Variants in FBN1 observed in about 807,000 individuals in gnomAD.
FBN1 encodes the protein fibrillin-1.
In FBN1, 29 loss-of-function variants were observed where a neutral mutation model predicts 365.1. That is an observed-to-expected ratio of 0.08 (90% CI 0.06 to 0.11). The LOEUF (loss-of-function observed/expected upper bound fraction) is 0.11. Ranked by LOEUF, FBN1 falls within the 10% of genes least tolerant of loss-of-function variation. FBN1 has a pLI of 1.00. For synonymous variants in FBN1, 1,210 were observed against 1,270.5 expected (o/e 0.95, Z 1.01); for missense variants, 2,476 against 3,703.2 (o/e 0.67, Z 8.60).
intron 24 of FBN1, among the ~76,000 whole-genome samples, chr15:48,490,756 A>G (rs568676362): frequency 2.7e-4 from 41 of 152,346 alleles, no homozygotes; most frequent in Non-Finnish European, 4.7e-4. Context: ...AGGTCAGAAG[A>G]GCTGGATTTT....
chr15:48,521,208 G>A (rs766484725), intron 9 of FBN1, among the ~76,000 whole-genome samples: 21 of 152,150 alleles, frequency 1.4e-4, no homozygotes, highest in Non-Finnish European at 2.6e-4. Flanking sequence ...TGCTTAATTC[G>A]AGCCATTTTA....
intron 45 of FBN1, 28 bp downstream of exon 45, chr15:48,452,534 C>A (rs1566900446): frequency 6.2e-7 from 1 of 1,613,720 alleles, no homozygotes; most frequent in Non-Finnish European, 8.5e-7. Flanking sequence ...CTTGGGTAGG[C>A]ATGTCCAGCC....
chr15:48,526,922 C>T (rs1255470211), intron 8 of FBN1, among the ~76,000 whole-genome samples: 1 of 152,234 alleles, frequency 6.6e-6, no homozygotes, highest in African/African-American at 2.4e-5. Flanking sequence ...CTAAGATTGC[C>T]TGAGTCGCAG....
At chr15:48,608,741 T>C (rs553919482) in intron 4 of FBN1, among the ~76,000 whole-genome samples, 3 of 152,252 alleles carry the variant, frequency 2.0e-5, no homozygotes, top group South Asian at 4.1e-4. Context: ...ACCCACAGTC[T>C]TGGATTTTAG....
At chr15:48,428,145 A>T in intron 57 of FBN1, 1 of 702,724 alleles carries the variant, frequency 1.4e-6, no homozygotes, top group Non-Finnish European at 2.4e-6. Flanking sequence ...TCAGGATCCA[A>T]TTAGCAAAGG....
intron 50 of FBN1, 114 bp downstream of exon 50, chr15:48,441,607 A>G: frequency 1.5e-6 from 2 of 1,358,190 alleles, no homozygotes; most frequent in South Asian, 1.2e-5. Flanking sequence ...TGGGTGAATG[A>G]AAACTCTCCA....
chr15:48,456,691 G>A lies in FBN1; in HGVS notation c.5368C>T (p.Arg1790Ter), dbSNP rs113249837. The A allele has an allele frequency of 6.2e-7, 1 of 1,613,882 alleles. No individual in the cohort carries two copies. The highest frequency in any genetic ancestry group is 8.5e-7 in the Non-Finnish European group (1 of 1,179,880). The change falls in exon 44 of 66, where the codon CGA (arginine) becomes TGA (stop). Residue 1790 changes from arginine (R) to a stop codon, truncating the protein, a stop_gained. Transcript: ENST00000316623. LOFTEE classifies it high-confidence loss of function. ...GVCINMVGSF[R>*]CECPVGFFYN... ...AAGAATCCCACTGGACATTCACATC[G>A]GAAGCTGCCAACCATGTTGATACAC...
rs1283784836 is a variant in FBN1, at chr15:48,412,191, G to A, written c.8226+378C>T. On this transcript the variant is annotated intron_variant, in intron 65 of 65. Transcript: ENST00000316623. ...ACACTCCACATGGCTCTTTTCAGTA[G>A]AGGAGCCTCTAGCTTTCAGAACTTG... Among the ~76,000 whole-genome samples the A allele has an allele frequency of 3.9e-5, 6 of 152,344 alleles. No individual in the cohort carries two copies. The East Asian group carries it at 5.8e-4, about 15-fold the overall frequency.
chr15:48,449,926 C>T (rs1348928302), intron 45 of FBN1, among the ~76,000 whole-genome samples: 3 of 152,176 alleles, frequency 2.0e-5, no homozygotes, highest in Admixed American at 6.6e-5. Flanking sequence ...ACATCTCCTC[C>T]ATTTCATGTG....
chr15:48,480,752 C>CA (rs2043459562), intron 32 of FBN1, among the ~76,000 whole-genome samples: 1 of 152,116 alleles, frequency 6.6e-6, no homozygotes, highest in South Asian at 2.1e-4. Context: ...TGTTTTAAGT[C>CA]ATAAGAGCTT....
At chr15:48,454,563 C>T (rs2043225634) in intron 44 of FBN1, among the ~76,000 whole-genome samples, 1 of 152,202 alleles carries the variant, frequency 6.6e-6, no homozygotes, top group Non-Finnish European at 1.5e-5. Context: ...ACATGTTTCC[C>T]TCTTCCCTGC....
Position 48,472,610 on chromosome 15 carries a change from C to G in FBN1, c.4277G>C (p.Gly1426Ala), listed in dbSNP as rs531751210. ...GCCCATGTCGCATTCACAGCGGTAT[C>G]CTCCTGGTGCATTGAGGCACTGGCC... The part of the protein sequence containing the change: ...GNGQCLNAPG[G>A]YRCECDMGFV... Residue 1426 changes from glycine (G) to alanine (A), a missense_variant, in exon 35 of 66, where the codon GGA becomes GCA. Coordinates refer to ENST00000316623, the MANE Select transcript of FBN1 (RefSeq NM_000138.5). The G allele has an allele frequency of 1.2e-5, 19 of 1,614,212 alleles. 1 individual carries two copies. In the South Asian group the frequency reaches 2.0e-4, roughly 17 times the overall value.
rs2043607629 is a variant in FBN1 at position 48,496,223 on chromosome 15, T to C, written c.2296A>G (p.Ile766Val). ...AGACTGTTCAGTACACATTCATTAA[T>C]ATCTGCAAAGTCAATGAAAATAAAC... ...VDSTGKNCVD[I>V]NECVLNSLLC... Residue 766 changes from isoleucine to valine, a missense_variant and splice_region_variant, in exon 20 of 66, where the codon ATT becomes GTT. Transcript: ENST00000316623. The C allele has an allele frequency of 7.4e-6, 12 of 1,613,724 alleles. No individual in the cohort carries two copies. The highest frequency in any genetic ancestry group is 1.3e-5 in the African/African-American group (1 of 75,034).
intron 6 of FBN1, among the ~76,000 whole-genome samples, chr15:48,567,985 T>A (rs2044269532): frequency 1.3e-5 from 1 of 74,220 alleles, no homozygotes; most frequent in Non-Finnish European, 2.7e-5. Context: ...GAAAAGAAAT[T>A]AAAGTATACA....
At chr15:48,520,106 C>T (rs924458627) in intron 10 of FBN1, among the ~76,000 whole-genome samples, 3 of 152,054 alleles carry the variant, frequency 2.0e-5, no homozygotes, top group African/African-American at 7.2e-5. Flanking sequence ...CTGACTCATA[C>T]TTTGGGAAAG....
chr15:48,417,928 C>T (rs1477631430), intron 63 of FBN1, among the ~76,000 whole-genome samples: 1 of 152,236 alleles, frequency 6.6e-6, no homozygotes, highest in East Asian at 1.9e-4. Flanking sequence ...CTCTGCTCCC[C>T]TGTCCCTCAC....
chr15:48,531,265 C>CT (rs1219854699), intron 8 of FBN1, among the ~76,000 whole-genome samples: 8 of 148,524 alleles, frequency 5.4e-5, no homozygotes, highest in South Asian at 2.1e-4. Flanking sequence ...CGTAACATTT[C>CT]TTTTTTTTTT....
intron 32 of FBN1, among the ~76,000 whole-genome samples, chr15:48,479,440 C>A (rs2043450332): frequency 6.6e-6 from 1 of 152,180 alleles, no homozygotes; most frequent in Non-Finnish European, 1.5e-5. Context: ...CAGGGTACTA[C>A]TCCTTCAGAT....
intron 2 of FBN1, among the ~76,000 whole-genome samples, chr15:48,632,645 G>A (rs1481860276): frequency 1.3e-5 from 2 of 152,138 alleles, no homozygotes; most frequent in Non-Finnish European, 2.9e-5. Flanking sequence ...CATTGAAAAT[G>A]ACTCCTTGGT....
Sources: gnomAD v4.1 joint callset for allele counts (sites outside exome capture counted in the v4.1 genomes callset) on GRCh38, gnomAD v4.1.1 for gene constraint, MANE v1.5 for transcripts, NCBI Gene and HGNC (gene_info 2026-07-23, HGNC 2026-07-21) for gene names.